Variants in DKK2 observed in about 807,000 individuals in gnomAD.
The protein encoded by DKK2 is dickkopf-related protein 2.
DKK2 carries 11 observed loss-of-function variants against 28.1 expected under a neutral mutation model. That is an observed-to-expected ratio of 0.39 (90% CI 0.25 to 0.65). The LOEUF is 0.65. Among genes scored for constraint, DKK2 ranks in the 30% least tolerant of loss-of-function variants. The pLI is 0.47. For missense variants in DKK2, 326 were observed against 335.5 expected, an observed-to-expected ratio of 0.97 and a Z score of 0.22; for synonymous variants, 135 against 126.5, an observed-to-expected ratio of 1.07 and a Z score of -0.45.
chr4:106,924,180 C>T lies in DKK2; in HGVS notation c.554G>A (p.Arg185Gln), dbSNP rs866892165. 14 of 1,613,722 alleles carry T rather than the reference C, an allele frequency of 8.7e-6. No individual in the cohort carries two copies. Among genetic ancestry groups the T allele is most frequent in the African/African-American group, 1.3e-5 (1 of 74,866 alleles). Reference protein sequence around the residue: ...IKGHEGDPCLRSSDCIEGFCC... With the variant: ...IKGHEGDPCLQSSDCIEGFCC... ...AAACCCTTCAATGCAGTCTGATGAT[C>T]GTAGGCAGGGGTCTCCTTCATGCCC... The change falls in exon 4 of 4, where the codon CGA becomes CAA. Residue 185 changes from arginine (R) to glutamine (Q), a missense_variant. By Grantham distance (43) the Arg-to-Gln change is conservative. Transcript: ENST00000285311.
At chr4:106,937,817 T>C (rs549708263) in intron 1 of DKK2, among the ~76,000 whole-genome samples, 124 of 151,682 alleles carry the variant, frequency 8.2e-4, no homozygotes, top group Middle Eastern at 3.4e-3. Flanking sequence ...AGAATCTCAC[T>C]CAAAACCGGT....
chr4:106,929,544 T>G (rs1339814343), intron 1 of DKK2, among the ~76,000 whole-genome samples: 1 of 152,122 alleles, frequency 6.6e-6, no homozygotes, highest in African/African-American at 2.4e-5. Context: ...GGCCATAAAT[T>G]CAGAATACAT....
At chr4:106,961,565 GCACACACA>G (rs34597899) in intron 1 of DKK2, among the ~76,000 whole-genome samples, 1 of 136,242 alleles carries the variant, frequency 7.3e-6, no homozygotes, top group Non-Finnish European at 1.6e-5. Flanking sequence ...CCAACAGCCT[GCACACACA>G]CACACACACA....
chr4:106,996,538 A>G, intron 1 of DKK2, among the ~76,000 whole-genome samples: 1 of 152,194 alleles, frequency 6.6e-6, no homozygotes, highest in East Asian at 1.9e-4. Context: ...TTCTTTCCCC[A>G]AGACATCAAA....
intron 1 of DKK2, among the ~76,000 whole-genome samples, chr4:106,959,228 T>C (rs1460003553): frequency 6.6e-6 from 1 of 152,188 alleles, no homozygotes; most frequent in Admixed American, 6.5e-5. Context: ...GGGTTTTTTC[T>C]GGTAGATTAG....
chr4:107,018,978 T>C (rs540683180), intron 1 of DKK2, among the ~76,000 whole-genome samples: 1 of 152,210 alleles, frequency 6.6e-6, no homozygotes, highest in South Asian at 2.1e-4. Flanking sequence ...TATTTTTTGT[T>C]GGTGGTGGTT....
chr4:106,941,096 C>T (rs528720896), intron 1 of DKK2, among the ~76,000 whole-genome samples: 46 of 151,736 alleles, frequency 3.0e-4, no homozygotes, highest in African/African-American at 1.0e-3. Flanking sequence ...TACCCTACAA[C>T]TTAAAGTATA....
chr4:107,028,954 C>T (rs1723834641), intron 1 of DKK2, among the ~76,000 whole-genome samples: 1 of 152,036 alleles, frequency 6.6e-6, no homozygotes, highest in Non-Finnish European at 1.5e-5. Context: ...CTACTTTCTA[C>T]TTGGGGTGAC....
At chr4:107,002,983 A>G (rs1048410970) in intron 1 of DKK2, among the ~76,000 whole-genome samples, 3 of 152,204 alleles carry the variant, frequency 2.0e-5, no homozygotes, top group African/African-American at 7.2e-5. Flanking sequence ...CAGATGAGGA[A>G]TAATACATAA....
intron 1 of DKK2, among the ~76,000 whole-genome samples, chr4:106,941,746 C>A (rs1020989545): frequency 1.3e-5 from 2 of 152,082 alleles, no homozygotes; most frequent in Non-Finnish European, 2.9e-5. Context: ...GCTTATTTTT[C>A]TGACAGATAG....
At chr4:107,016,898 C>T (rs925873723) in intron 1 of DKK2, among the ~76,000 whole-genome samples, 1 of 151,804 alleles carries the variant, frequency 6.6e-6, no homozygotes, top group African/African-American at 2.4e-5. Context: ...GTTAAGTAGG[C>T]ACTTGAATAT....
intron 1 of DKK2, among the ~76,000 whole-genome samples, chr4:106,954,665 G>T (rs940072237): frequency 1.3e-5 from 2 of 152,088 alleles, no homozygotes; most frequent in East Asian, 3.9e-4. Flanking sequence ...GGGACTACAG[G>T]TGTGTGCCAC....
intron 1 of DKK2, among the ~76,000 whole-genome samples, chr4:107,014,440 A>T (rs756037552): frequency 6.6e-6 from 1 of 151,440 alleles, no homozygotes; most frequent in Non-Finnish European, 1.5e-5. Flanking sequence ...AAAAAAGTTG[A>T]TCTCATAGAA....
At position 106,983,058 on chromosome 4, in the gene DKK2, AAAG is replaced by A. The variant is rs1306806002; in HGVS notation, c.222+52309_222+52311del. On this transcript the variant is annotated intron_variant, in intron 1 of 3. Transcript: ENST00000285311. ...AAGATGAAAGAAAGAAAGAAAGAGAAAAGAAAGAAAGAAAAAAGAAAGAAACAA... is the reference window on the plus strand; with the variant it reads ...AAGATGAAAGAAAGAAAGAAAGAGAAAAAGAAAGAAAAAAGAAAGAAACAA... Among the ~76,000 whole-genome samples the A allele has an allele frequency of 5.9e-5, 9 of 151,294 alleles. No homozygotes were observed. In the East Asian group the frequency reaches 1.4e-3, roughly 23 times the overall value.
At chr4:106,954,483 A>C (rs1722557279) in intron 1 of DKK2, among the ~76,000 whole-genome samples, 1 of 152,174 alleles carries the variant, frequency 6.6e-6, no homozygotes, top group Non-Finnish European at 1.5e-5. Flanking sequence ...CCATTATTTT[A>C]AATGACATCC....
intron 1 of DKK2, among the ~76,000 whole-genome samples, chr4:106,955,516 T>C (rs1722578125): frequency 6.6e-6 from 1 of 151,986 alleles, no homozygotes; most frequent in African/African-American, 2.4e-5. Flanking sequence ...CACATCAACA[T>C]TTCACCCATG....
intron 1 of DKK2, among the ~76,000 whole-genome samples, chr4:106,938,267 T>TA (rs1321384772): frequency 6.6e-6 from 1 of 151,452 alleles, no homozygotes; most frequent in Non-Finnish European, 1.5e-5. Flanking sequence ...ATAGATGCAA[T>TA]AAAAAATGAT....
chr4:107,000,367 G>A (rs1487411196), intron 1 of DKK2, among the ~76,000 whole-genome samples: 1 of 152,070 alleles, frequency 6.6e-6, no homozygotes, highest in Non-Finnish European at 1.5e-5. Context: ...ACAACATTTG[G>A]ACAAAATGAT....
At chr4:107,029,969 A>G (rs1371234563) in intron 1 of DKK2, among the ~76,000 whole-genome samples, 1 of 152,090 alleles carries the variant, frequency 6.6e-6, no homozygotes, top group Non-Finnish European at 1.5e-5. Context: ...CTGAATTTAT[A>G]TTTAAAGCAC....
Sources: gnomAD v4.1 joint callset for allele counts (sites outside exome capture counted in the v4.1 genomes callset) on GRCh38, gnomAD v4.1.1 for gene constraint, MANE v1.5 for transcripts, NCBI Gene and HGNC (gene_info 2026-07-23, HGNC 2026-07-21) for gene names.